The following AKAP13 variants were observed in gnomAD, a reference collection of about 807,000 sequenced individuals.
The protein encoded by AKAP13 is A-kinase anchor protein 13.
Under a neutral mutation model 264.5 loss-of-function variants are expected in AKAP13, and 80 were observed. The observed-to-expected ratio is 0.30, with a 90% CI of 0.25 to 0.36. The LOEUF (loss-of-function observed/expected upper bound fraction) is 0.36, where lower values mean the gene tolerates loss of function less well. AKAP13 is among the 10% of genes least tolerant of loss of function. The pLI, the probability that AKAP13 is intolerant of heterozygous loss-of-function variation, is 1.00. For synonymous variants in AKAP13, 1,380 were observed against 1,250.2 expected (o/e 1.10, Z -2.19); for missense variants, 3,712 against 3,435.2 (o/e 1.08, Z -2.01).
intron 1 of AKAP13, among the ~76,000 whole-genome samples, chr15:85,396,021 T>C (rs867714170): frequency 1.1e-4 from 16 of 150,562 alleles, no homozygotes; most frequent in Middle Eastern, 3.4e-3. Context: ...TATACATACA[T>C]ACACACACAC....
At chr15:85,426,607 T>G (rs2072790218) in intron 1 of AKAP13, among the ~76,000 whole-genome samples, 1 of 152,212 alleles carries the variant, frequency 6.6e-6, no homozygotes, top group African/African-American at 2.4e-5. Flanking sequence ...GAAAATATTC[T>G]TAGTTCTCAG....
intron 8 of AKAP13, chr15:85,635,092 A>G (rs2082017047): frequency 5.0e-6 from 2 of 398,234 alleles, no homozygotes; most frequent in Non-Finnish European, 4.4e-6. Context: ...AATGAATGGA[A>G]TGCTATGTTG....
intron 1 of AKAP13, among the ~76,000 whole-genome samples, chr15:85,468,512 A>G (rs539133926): frequency 1.3e-4 from 20 of 152,326 alleles, no homozygotes; most frequent in African/African-American, 3.4e-4. Context: ...CATTTTAACA[A>G]TATAGCTTTG....
At chr15:85,509,006 A>G (rs569736165) in intron 2 of AKAP13, among the ~76,000 whole-genome samples, 145 of 152,266 alleles carry the variant, frequency 9.5e-4, no homozygotes, top group African/African-American at 3.4e-3. Context: ...TACTCTTTCT[A>G]ATAGAACTTT....
In AKAP13 at chr15:85,639,294, A is replaced by G. The variant is rs368105352; in HGVS notation, c.4162-80A>G. 1.0e-5 allele frequency: 10 copies of G among 970,828 alleles called. No homozygotes were observed. The African/African-American group carries it at 1.6e-4, about 16-fold the overall frequency. The allele number at this position is 970,828 out of a possible 1,614,324, so 60.1% of individuals were successfully genotyped here. A position where few individuals can be genotyped will look rare whatever the true frequency, so the allele number is the denominator to read the frequency against. On this transcript the variant is annotated intron_variant, in intron 8 of 36. Coordinates refer to ENST00000394518, the MANE Select transcript of AKAP13 (RefSeq NM_007200.5). The stretch of plus-strand genomic sequence containing the variant: ...AAAGAAAAAGATAGGAATGTTGGTC[A>G]GTTGACATAATTTTGGCACCTGTAA...
intron 8 of AKAP13, among the ~76,000 whole-genome samples, chr15:85,605,243 G>A (rs951599902): frequency 6.6e-6 from 1 of 152,208 alleles, no homozygotes; most frequent in African/African-American, 2.4e-5. Context: ...ATATTTAAAA[G>A]TTTCACTGGG....
chr15:85,646,388 C>A (rs2082561631), intron 10 of AKAP13, among the ~76,000 whole-genome samples: 1 of 152,098 alleles, frequency 6.6e-6, no homozygotes. Context: ...GTTCGCGCCA[C>A]TAAACTCTAG....
chr15:85,741,980 G>T (rs927018915), intron 35 of AKAP13, among the ~76,000 whole-genome samples: 1 of 152,048 alleles, frequency 6.6e-6, no homozygotes, highest in African/African-American at 2.4e-5. Flanking sequence ...GGGAGGTGGG[G>T]ATTGCAGCGA....
intron 8 of AKAP13, among the ~76,000 whole-genome samples, chr15:85,592,970 T>C (rs12903140): frequency 1.3e-5 from 2 of 152,202 alleles, no homozygotes; most frequent in Admixed American, 6.5e-5. Context: ...CTTTGTGTAA[T>C]GGTTAATCTC....
At chr15:85,613,454 G>T (rs2080767250) in intron 8 of AKAP13, among the ~76,000 whole-genome samples, 1 of 151,926 alleles carries the variant, frequency 6.6e-6, no homozygotes, top group South Asian at 2.1e-4. Context: ...GTCCAAGGCG[G>T]GTGGATCACG....
chr15:85,679,020 C>T (rs2084424236), intron 14 of AKAP13, among the ~76,000 whole-genome samples: 1 of 152,018 alleles, frequency 6.6e-6, no homozygotes, highest in African/African-American at 2.4e-5. Flanking sequence ...GTGGGCGGAT[C>T]ACGAGGTCGG....
At chr15:85,489,190 G>A (rs1365119432) in intron 2 of AKAP13, among the ~76,000 whole-genome samples, 1 of 152,218 alleles carries the variant, frequency 6.6e-6, no homozygotes, top group African/African-American at 2.4e-5. Context: ...CTGGACTTAA[G>A]TCATAGAAAC....
chr15:85,674,807 A>C (rs2084128312), intron 14 of AKAP13, among the ~76,000 whole-genome samples: 1 of 151,514 alleles, frequency 6.6e-6, no homozygotes, highest in South Asian at 2.1e-4. Context: ...CTATGATGGG[A>C]ATTTACTGAA....
chr15:85,451,844 T>C (rs1462688647), intron 1 of AKAP13, among the ~76,000 whole-genome samples: 1 of 152,246 alleles, frequency 6.6e-6, no homozygotes. Context: ...TTATGTGTCT[T>C]GAGGATAATC....
rs868153100 is a variant in AKAP13, at chr15:85,501,383, T to C, written c.33+15630T>C. On this transcript the variant is annotated intron_variant, in intron 2 of 36. Coordinates refer to ENST00000394518, the MANE Select transcript of AKAP13 (RefSeq NM_007200.5). ...GCTAAGTCTCAGAATACAAAGTAAT[T>C]CTTCTCCTTGACCGTGAGACAGAGA... Among the ~76,000 whole-genome samples the C allele has an allele frequency of 1.5e-4, 23 of 152,368 alleles. No individual in the cohort carries two copies. In the Middle Eastern group the frequency reaches 0.01, roughly 68 times the overall value.
intron 1 of AKAP13, among the ~76,000 whole-genome samples, chr15:85,398,995 A>G (rs1330988394): frequency 6.6e-6 from 1 of 152,110 alleles, no homozygotes; most frequent in Non-Finnish European, 1.5e-5. Context: ...ATTGCTTTGA[A>G]GGACAGCCTT....
rs146724570 is a variant in AKAP13 at position 85,617,393 on chromosome 15, G to A, written c.4162-21981G>A. On this transcript the variant is annotated intron_variant, in intron 8 of 36. Transcript: ENST00000394518. ...TGAATAGTTGGGACTACAGGCATGT[G>A]CCAACATGCCTGGCTAATTTTTGTA... Among the ~76,000 whole-genome samples, 573 of 152,272 alleles carry A rather than the reference G, an allele frequency of 3.8e-3. 1 individual carries two copies. Among genetic ancestry groups the A allele is most frequent in the African/African-American group, 0.011 (441 of 41,556 alleles).
chr15:85,595,711 G>A (rs1426949957), intron 8 of AKAP13, among the ~76,000 whole-genome samples: 2 of 152,140 alleles, frequency 1.3e-5, no homozygotes, highest in African/African-American at 4.8e-5. Context: ...CAGCCTTGTA[G>A]TTATTTTTTT....
intron 1 of AKAP13, chr15:85,415,124 A>G (rs112342764): frequency 3.2e-5 from 22 of 687,364 alleles, no homozygotes; most frequent in African/African-American, 1.1e-4. Flanking sequence ...ACAGCATCCC[A>G]GGAGTTTCAG....
Sources: allele counts gnomAD v4.1 joint callset (sites outside exome capture counted in the v4.1 genomes callset), GRCh38; gene constraint gnomAD v4.1.1; transcripts MANE v1.5; gene names NCBI Gene and HGNC (gene_info 2026-07-23, HGNC 2026-07-21).